Variants in ABHD2 observed in about 807,000 individuals in gnomAD.
The protein encoded by ABHD2 is monoacylglycerol lipase ABHD2.
In ABHD2, 20 loss-of-function variants were observed where a neutral mutation model predicts 48.1. The ratio of observed to expected loss-of-function variants is 0.42; its 90% CI spans 0.29 to 0.60. The LOEUF is 0.60. ABHD2 is among the 20% of genes least tolerant of loss of function. The probability of loss-of-function intolerance (pLI) is 0.24; values close to 1 mark genes in which losing one functional copy is unlikely to be tolerated. For missense variants in ABHD2, 405 were observed against 550.9 expected, an observed-to-expected ratio of 0.74 and a Z score of 2.65; for synonymous variants, 209 against 214.2, an observed-to-expected ratio of 0.98 and a Z score of 0.21.
Position 89,104,427 on chromosome 15 carries a change from G to A in ABHD2, c.-106-9298G>A, listed in dbSNP as rs1378906367. On this transcript the variant is annotated intron_variant, in intron 1 of 10. Coordinates refer to ENST00000352732, the MANE Select transcript of ABHD2 (RefSeq NM_152924.5). This position sits in a 1 kb window ranked among gnomAD's most constrained non-coding sequence, Gnocchi z 4.4. Reference sequence around the variant, plus strand: ...TGGTCGGGTTTCCTCACAAATGCCTGCCATGGTGAAATGCAAGACTGTTAG... The same window carrying A: ...TGGTCGGGTTTCCTCACAAATGCCTACCATGGTGAAATGCAAGACTGTTAG... Among the ~76,000 whole-genome samples, 2 of 152,074 alleles carry A rather than the reference G, an allele frequency of 1.3e-5. No homozygotes were observed. Among genetic ancestry groups the A allele is most frequent in the East Asian group, 3.9e-4 (2 of 5,174 alleles).
chr15:89,106,363 G>C lies in ABHD2; in HGVS notation c.-106-7362G>C, dbSNP rs1210296628. On this transcript the variant is annotated intron_variant, in intron 1 of 10. Coordinates refer to ENST00000352732, the MANE Select transcript of ABHD2 (RefSeq NM_152924.5). This position sits in a 1 kb window ranked among gnomAD's most constrained non-coding sequence, Gnocchi z 4.2. ...CTCCATTCCACAGAACCCTCTGTGG[G>C]AGGACACGTGGTCCTAGACCAACAC... is the stretch of plus-strand genomic sequence containing the variant. 3 of 152,288 alleles carry C rather than the reference G, an allele frequency of 2.0e-5. No individual in the cohort carries two copies. Among genetic ancestry groups the C allele is most frequent in the African/African-American group, 7.2e-5 (3 of 41,444 alleles). 9.4% of individuals were successfully genotyped at this position (152,288 alleles called of 1,614,324 possible).
At position 89,196,911 on chromosome 15, in the gene ABHD2, G is replaced by T. The variant is rs2051413747; in HGVS notation, c.*1488G>T. 2 of 152,648 alleles carry T rather than the reference G, an allele frequency of 1.3e-5. No homozygotes were observed. Among genetic ancestry groups the T allele is most frequent in the Non-Finnish European group, 2.9e-5 (2 of 68,048 alleles). The allele number at this position is 152,648 out of a possible 1,614,324, so 9.5% of individuals were successfully genotyped here. A position where few individuals can be genotyped will look rare whatever the true frequency, so the allele number is the denominator to read the frequency against. On this transcript the variant is annotated 3_prime_UTR_variant, in exon 11 of 11. Transcript: ENST00000352732. ...AAAAACCCTGCACTTTGAACAATCA[G>T]CTGTTGCTATCTGGAACTAAACAGA... is the stretch of plus-strand genomic sequence containing the variant.
chr15:89,134,130 G>A (rs1056865646), intron 3 of ABHD2, among the ~76,000 whole-genome samples: 3 of 152,188 alleles, frequency 2.0e-5, no homozygotes, highest in East Asian at 1.9e-4. Context: ...GAGCCACGGC[G>A]CCCGGCCGCA....
chr15:89,068,401 A>G, the ABHD2 span, among the ~76,000 whole-genome samples: 1 of 152,300 alleles, frequency 6.6e-6, no homozygotes, highest in South Asian at 2.1e-4. Flanking sequence ...CTGAGACCTC[A>G]GCTGGAAAGA....
the ABHD2 span, among the ~76,000 whole-genome samples, chr15:89,050,964 G>A: frequency 4.6e-5 from 7 of 152,188 alleles, no homozygotes; most frequent in Admixed American, 4.6e-4. Flanking sequence ...CAGGCACAGT[G>A]GCTCATACCT....
intron 3 of ABHD2, among the ~76,000 whole-genome samples, chr15:89,139,115 A>T (rs1193297339): frequency 6.6e-6 from 1 of 151,996 alleles, no homozygotes. Flanking sequence ...GGCGGCTGAG[A>T]TGGGAGGATT....
intron 3 of ABHD2, among the ~76,000 whole-genome samples, chr15:89,147,492 T>TG (rs2050513674): frequency 2.0e-5 from 3 of 151,548 alleles, no homozygotes; most frequent in Non-Finnish European, 2.9e-5. Context: ...TAGCTGGGAT[T>TG]ACAGGTGCCC....
intron 1 of ABHD2, chr15:89,093,747 A>G (rs1323257188): frequency 1.3e-5 from 2 of 152,172 alleles, no homozygotes; most frequent in Non-Finnish European, 2.9e-5. Flanking sequence ...TTAAACTTCC[A>G]AGGTCTGAGC....
chr15:89,076,799 T>A, the ABHD2 span, among the ~76,000 whole-genome samples: 1 of 152,214 alleles, frequency 6.6e-6, no homozygotes, highest in Admixed American at 6.5e-5. Context: ...TTGTTTTCAT[T>A]TGGATGCTAA....
Position 89,100,042 on chromosome 15 carries a change from C to T in ABHD2, c.-107+11479C>T, listed in dbSNP as rs1367702670. Among the ~76,000 whole-genome samples the T allele has an allele frequency of 6.6e-6, 1 of 152,028 alleles. No homozygotes were observed. Among genetic ancestry groups the T allele is most frequent in the Non-Finnish European group, 1.5e-5 (1 of 68,010 alleles). On this transcript the variant is annotated intron_variant, in intron 1 of 10. Coordinates refer to ENST00000352732, the MANE Select transcript of ABHD2 (RefSeq NM_152924.5). This position sits in a 1 kb window ranked among gnomAD's most constrained non-coding sequence, Gnocchi z 4.4. ...CAGATTTAATATTTTGTCTGGGCAG[C>T]CGGTAGAGGAGCTTATGGTCTGGAA...
At chr15:89,145,971 A>T (rs1379022771) in intron 3 of ABHD2, among the ~76,000 whole-genome samples, 1 of 152,120 alleles carries the variant, frequency 6.6e-6, no homozygotes, top group Non-Finnish European at 1.5e-5. Context: ...TAAGCAATGC[A>T]TCCTATCTGA....
chr15:89,161,621 G>A (rs1384027230), intron 5 of ABHD2, among the ~76,000 whole-genome samples: 1 of 152,092 alleles, frequency 6.6e-6, no homozygotes, highest in Non-Finnish European at 1.5e-5. Context: ...GACTGGTGTC[G>A]AACTCCTGAC....
Position 89,091,511 on chromosome 15 carries a change from G to A in ABHD2, c.-107+2948G>A, listed in dbSNP as rs991326207. Among the ~76,000 whole-genome samples, 34 of 151,936 alleles carry A rather than the reference G, an allele frequency of 2.2e-4. No homozygotes were observed. The highest frequency in any genetic ancestry group is 3.2e-4 in the Non-Finnish European group (22 of 68,018). On this transcript the variant is annotated intron_variant, in intron 1 of 10. Coordinates refer to ENST00000352732, the MANE Select transcript of ABHD2 (RefSeq NM_152924.5). This position sits in a 1 kb window ranked among gnomAD's most constrained non-coding sequence, Gnocchi z 5.5. ...ATGAGCTTCTCATTTGCTGTTACTC[G>A]TTGCTTTAAGCATTTACGCCTTTTC...
chr15:89,196,073 G>C lies in ABHD2; in HGVS notation c.*650G>C, dbSNP rs2051397536. On this transcript the variant is annotated 3_prime_UTR_variant, in exon 11 of 11. Coordinates refer to ENST00000352732, the MANE Select transcript of ABHD2 (RefSeq NM_152924.5). ...TCAGCCTCCCAGGTCCCTCCCCTCGGAGAGGCTGATTCACTGGGTCTGGGA... is the reference window on the plus strand; with the variant it reads ...TCAGCCTCCCAGGTCCCTCCCCTCGCAGAGGCTGATTCACTGGGTCTGGGA... 1 of 152,608 alleles carries C rather than the reference G, an allele frequency of 6.6e-6. No homozygotes were observed. Among genetic ancestry groups the C allele is most frequent in the Non-Finnish European group, 1.5e-5 (1 of 68,046 alleles). 9.5% of individuals were successfully genotyped at this position (152,608 alleles called of 1,614,324 possible).
chr15:89,055,323 C>CTTTTTTTT, the ABHD2 span, among the ~76,000 whole-genome samples: 3 of 124,790 alleles, frequency 2.4e-5, no homozygotes, highest in Non-Finnish European at 3.4e-5. Flanking sequence ...ACACTAGTTT[C>CTTTTTTTT]TTTTTTTTTT....
At position 89,114,381 on chromosome 15, in the gene ABHD2, G is replaced by A. The variant is rs1334652040; in HGVS notation, c.-7+557G>A. 6.6e-6 allele frequency among the ~76,000 whole-genome samples: 1 copy of A among 152,180 alleles called. No homozygotes were observed. The highest frequency in any genetic ancestry group is 1.5e-5 in the Non-Finnish European group (1 of 68,038). ...CCCACAGGGAACCCACAGACCCCAAGTTAAGGATCCTTGTTTTAGGGGTTT... is the reference window on the plus strand; with the variant it reads ...CCCACAGGGAACCCACAGACCCCAAATTAAGGATCCTTGTTTTAGGGGTTT... On this transcript the variant is annotated intron_variant, in intron 2 of 10. Coordinates refer to ENST00000352732, the MANE Select transcript of ABHD2 (RefSeq NM_152924.5). This position sits in a 1 kb window ranked among gnomAD's most constrained non-coding sequence, Gnocchi z 4.2.
At chr15:89,127,104 G>T (rs1382768574) in intron 3 of ABHD2, among the ~76,000 whole-genome samples, 1 of 152,126 alleles carries the variant, frequency 6.6e-6, no homozygotes, top group African/African-American at 2.4e-5. Context: ...AGTACCAAGG[G>T]CCGGGTACTC....
chr15:89,055,760 T>G, the ABHD2 span, among the ~76,000 whole-genome samples: 1 of 152,168 alleles, frequency 6.6e-6, no homozygotes, highest in Non-Finnish European at 1.5e-5. Context: ...TGAACTGCTA[T>G]TAAGAGTGAG....
intron 1 of ABHD2, among the ~76,000 whole-genome samples, chr15:89,099,909 A>G (rs117704443): frequency 0.014 from 2,060 of 152,278 alleles, 12 homozygotes; most frequent in Middle Eastern, 0.041. Flanking sequence ...ACCCTGTCTC[A>G]AAAAATAAGT....
Sources: gnomAD v4.1 joint callset for allele counts (sites outside exome capture counted in the v4.1 genomes callset) on GRCh38, gnomAD v4.1.1 for gene constraint, Gnocchi (gnomAD v3.1) non-coding constraint, MANE v1.5 for transcripts, NCBI Gene and HGNC (gene_info 2026-07-23, HGNC 2026-07-21) for gene names.